The following GPCPD1 variants were observed in gnomAD, a reference collection of about 807,000 sequenced individuals.
GPCPD1 encodes glycerophosphocholine phosphodiesterase GPCPD1.
In GPCPD1, 29 loss-of-function variants were observed where a neutral mutation model predicts 89.2. That is an observed-to-expected ratio of 0.33 (90% CI 0.24 to 0.44). The LOEUF is 0.44. GPCPD1 is among the 20% of genes least tolerant of loss of function. GPCPD1 has a pLI of 1.00. For synonymous variants in GPCPD1, 258 were observed against 266.3 expected, an observed-to-expected ratio of 0.97 and a Z score of 0.30; for missense variants, 594 against 808.9, an observed-to-expected ratio of 0.73 and a Z score of 3.22.
rs1984977459 is a variant in GPCPD1 at position 5,545,236 on chromosome 20, T to C, written c.*2425A>G. 6.6e-6 allele frequency: 1 copy of C among 152,202 alleles called. No homozygotes were observed. Among genetic ancestry groups the C allele is most frequent in the South Asian group, 2.1e-4 (1 of 4,828 alleles). The allele number at this position is 152,202 out of a possible 1,614,324, so 9.4% of individuals were successfully genotyped here. A position where few individuals can be genotyped will look rare whatever the true frequency, so the allele number is the denominator to read the frequency against. On this transcript the variant is annotated 3_prime_UTR_variant, in exon 20 of 20. Coordinates refer to ENST00000379019, the MANE Select transcript of GPCPD1 (RefSeq NM_019593.5). ...TCTCTTAATTCAAAAGGACATTTGA[T>C]ACAAATTATATTACTCCAATAATTC...
intron 9 of GPCPD1, 29 bp downstream of exon 9, chr20:5,575,787 G>C: frequency 6.9e-7 from 1 of 1,450,886 alleles, no homozygotes; most frequent in Non-Finnish European, 9.6e-7. Flanking sequence ...ACTTAACCTT[G>C]GGTTATTTGG....
Position 5,575,513 on chromosome 20 carries a change from A to G in GPCPD1, c.901T>C (p.Tyr301His), listed in dbSNP as rs2122658312. Reference protein sequence around the residue: ...DYIIIKPLPGYSCDMKSSFSK... With the variant: ...DYIIIKPLPGHSCDMKSSFSK... ...AATGAAGATTTCATGTCACAACTGT[A>G]TCCTGGTAATGGCTTAATAATTATA... The change falls in exon 10 of 20, where the codon TAC becomes CAC. Residue 301 changes from tyrosine to histidine, a missense_variant. Transcript: ENST00000379019. The G allele has an allele frequency of 1.3e-6, 2 of 1,584,870 alleles. No individual in the cohort carries two copies. Among genetic ancestry groups the G allele is most frequent in the East Asian group, 2.2e-5 (1 of 44,748 alleles).
intron 4 of GPCPD1, among the ~76,000 whole-genome samples, chr20:5,587,315 C>T (rs1442571430): frequency 6.6e-6 from 1 of 151,902 alleles, no homozygotes; most frequent in Admixed American, 6.6e-5. Flanking sequence ...GGGATAATCA[C>T]CATCAAGATT....
chr20:5,609,154 A>G (rs952586937), intron 1 of GPCPD1, among the ~76,000 whole-genome samples: 41 of 152,198 alleles, frequency 2.7e-4, no homozygotes, highest in African/African-American at 9.6e-4. Flanking sequence ...TACAAGGAAC[A>G]TGTCAGTCTT....
At chr20:5,578,695 A>C in intron 7 of GPCPD1, 84 bp from the exon 8 acceptor site, 2 of 780,420 alleles carry the variant, frequency 2.6e-6, no homozygotes, top group Non-Finnish European at 4.4e-6. Flanking sequence ...CTACATTTTA[A>C]AGTGCCCCCA....
chr20:5,592,587 T>C (rs1311911104), intron 4 of GPCPD1, among the ~76,000 whole-genome samples: 1 of 152,222 alleles, frequency 6.6e-6, no homozygotes, highest in Non-Finnish European at 1.5e-5. Context: ...AAATACATTT[T>C]TTAACAAGAG....
intron 19 of GPCPD1, among the ~76,000 whole-genome samples, chr20:5,555,860 G>C (rs961308702): frequency 7.2e-5 from 11 of 152,094 alleles, no homozygotes; most frequent in Admixed American, 6.5e-4. Flanking sequence ...GTCTCAAAAA[G>C]CAAAAACAAA....
At chr20:5,597,354 T>A (rs993391124) in intron 3 of GPCPD1, among the ~76,000 whole-genome samples, 3 of 152,218 alleles carry the variant, frequency 2.0e-5, no homozygotes, top group African/African-American at 7.2e-5. Flanking sequence ...ATGACCAGCA[T>A]TTTTTGTTTG....
chr20:5,572,803 A>G (rs1986795593), intron 11 of GPCPD1, among the ~76,000 whole-genome samples: 1 of 96,482 alleles, frequency 1.0e-5, no homozygotes, highest in South Asian at 2.8e-4. Flanking sequence ...CTCTAACTGG[A>G]TTAAAAAAAA....
Position 5,546,514 on chromosome 20 carries a change from TAC to T in GPCPD1, c.*1145_*1146del, listed in dbSNP as rs1366696780. On this transcript the variant is annotated 3_prime_UTR_variant, in exon 20 of 20. Transcript: ENST00000379019. ...TTTATTTAACATTCATTCTTTAAGT[TAC>T]AGTTAACACAATCTGCTTCTAATCC... The T allele has an allele frequency of 1.3e-5, 2 of 152,208 alleles. No individual in the cohort carries two copies. The highest frequency in any genetic ancestry group is 4.8e-5 in the African/African-American group (2 of 41,460). The allele number at this position is 152,208 out of a possible 1,614,324, so 9.4% of individuals were successfully genotyped here.
intron 13 of GPCPD1, among the ~76,000 whole-genome samples, chr20:5,567,138 G>C (rs111405179): frequency 3.9e-5 from 6 of 152,080 alleles, no homozygotes; most frequent in African/African-American, 1.2e-4. Context: ...TGCATAAAAG[G>C]CCTATTGTAA....
chr20:5,606,023 A>C (rs998831671), intron 1 of GPCPD1, among the ~76,000 whole-genome samples: 6 of 152,250 alleles, frequency 3.9e-5, no homozygotes, highest in Admixed American at 3.9e-4. Flanking sequence ...AAAAAGAATA[A>C]GAAAGAAGTC....
At position 5,573,941 on chromosome 20, in the gene GPCPD1, CAATAGTATT is replaced by C. The variant is rs781082147; in HGVS notation, c.1021_1029del (p.Asn341_Ile343del). ...TGACTAGCAGCATTTCTTAAAGAAG[CAATAGTATT>C]TTCTTGAACTTTAGCCAGCCTGAAA... On this transcript the variant is annotated inframe_deletion, in exon 11 of 20. Coordinates refer to ENST00000379019, the MANE Select transcript of GPCPD1 (RefSeq NM_019593.5). The C allele has an allele frequency of 4.6e-6, 7 of 1,522,712 alleles. No homozygotes were observed. Among genetic ancestry groups the C allele is most frequent in the Non-Finnish European group, 6.4e-6 (7 of 1,096,676 alleles). The allele number at this position is 1,522,712 out of a possible 1,614,324, so 94.3% of individuals were successfully genotyped here.
intron 4 of GPCPD1, among the ~76,000 whole-genome samples, chr20:5,587,702 C>T (rs554682832): frequency 6.6e-6 from 1 of 152,214 alleles, no homozygotes; most frequent in East Asian, 1.9e-4. Context: ...ATAAAAGCTT[C>T]TCTATTATCT....
chr20:5,580,677 GAT>G (rs1314536785), intron 6 of GPCPD1, among the ~76,000 whole-genome samples: 4 of 145,800 alleles, frequency 2.7e-5, no homozygotes, highest in African/African-American at 1.0e-4. Context: ...AGTGAGCCGA[GAT>G]CGCACCACTG....
chr20:5,567,227 T>C (rs1301225915), intron 13 of GPCPD1, among the ~76,000 whole-genome samples: 1 of 152,208 alleles, frequency 6.6e-6, no homozygotes, highest in African/African-American at 2.4e-5. Context: ...GGCTAGCCAC[T>C]ATGGCCTACA....
At chr20:5,574,162 T>C (rs2295372) in intron 10 of GPCPD1, 193 bp from the exon 11 acceptor site, 94,866 of 578,728 alleles carry the variant, frequency 0.16, 8,210 homozygotes, top group South Asian at 0.19. Flanking sequence ...CTGACAATGA[T>C]AGATATTTAC....
intron 15 of GPCPD1, 115 bp downstream of exon 15, chr20:5,564,902 T>A: frequency 1.4e-6 from 1 of 695,676 alleles, no homozygotes; most frequent in East Asian, 2.5e-5. Flanking sequence ...GATAAATTCA[T>A]ATTAACATTG....
chr20:5,593,023 C>A (rs1460419899), intron 4 of GPCPD1, among the ~76,000 whole-genome samples: 2 of 152,186 alleles, frequency 1.3e-5, no homozygotes, highest in Non-Finnish European at 2.9e-5. Flanking sequence ...AGTAAAAGCT[C>A]TGCAAGTGGT....
Sources: gnomAD v4.1 joint callset for allele counts (sites outside exome capture counted in the v4.1 genomes callset) on GRCh38, gnomAD v4.1.1 for gene constraint, MANE v1.5 for transcripts, NCBI Gene and HGNC (gene_info 2026-07-23, HGNC 2026-07-21) for gene names.